CTNND2: variants seen among roughly 807,000 people sequenced by gnomAD.
CTNND2 encodes catenin delta-2.
CTNND2 carries 22 observed loss-of-function variants against 144.4 expected under a neutral mutation model. That is an observed-to-expected ratio of 0.15 (90% CI 0.11 to 0.22). The LOEUF is 0.22. Among genes scored for constraint, CTNND2 ranks in the 10% least tolerant of loss-of-function variants. CTNND2 has a pLI of 1.00. For missense variants in CTNND2, 1,353 were observed against 1,618.8 expected (o/e 0.84, Z 2.82); for synonymous variants, 751 against 695.6 (o/e 1.08, Z -1.25).
chr5:11,201,905 T>TATAG (rs1737481844), intron 10 of CTNND2, among the ~76,000 whole-genome samples: 1 of 152,238 alleles, frequency 6.6e-6, no homozygotes, highest in African/African-American at 2.4e-5. Context: ...ATAGGTGTCT[T>TATAG]GTTCATGTAC....
At chr5:11,091,906 G>T (rs1330654723) in intron 15 of CTNND2, among the ~76,000 whole-genome samples, 1 of 152,178 alleles carries the variant, frequency 6.6e-6, no homozygotes, top group African/African-American at 2.4e-5. Context: ...GAATATTTAA[G>T]GGGAGTCCTC....
chr5:11,520,395 G>A (rs1772617868), intron 3 of CTNND2, among the ~76,000 whole-genome samples: 1 of 152,170 alleles, frequency 6.6e-6, no homozygotes, highest in Non-Finnish European at 1.5e-5. Flanking sequence ...TGCTATGAGT[G>A]CAAATGTTCC....
intron 16 of CTNND2, among the ~76,000 whole-genome samples, chr5:11,026,360 T>C (rs1479201990): frequency 2.7e-5 from 4 of 146,908 alleles, no homozygotes; most frequent in South Asian, 2.2e-4. Context: ...CTTCTTCTTT[T>C]TTTTTTTTTT....
chr5:11,724,214 G>A (rs544418428), intron 2 of CTNND2, among the ~76,000 whole-genome samples: 1 of 152,164 alleles, frequency 6.6e-6, no homozygotes, highest in South Asian at 2.1e-4. Context: ...AAAGCTCCTA[G>A]TATGGTAATT....
intron 1 of CTNND2, among the ~76,000 whole-genome samples, chr5:11,734,060 C>T (rs1465351104): frequency 6.6e-6 from 1 of 152,112 alleles, no homozygotes; most frequent in African/African-American, 2.4e-5. Flanking sequence ...GATGTGAGGG[C>T]ACAGCAATAA....
chr5:11,190,625 G>C (rs542096950), intron 11 of CTNND2, among the ~76,000 whole-genome samples: 1 of 152,184 alleles, frequency 6.6e-6, no homozygotes, highest in Non-Finnish European at 1.5e-5. Context: ...TGAAATAGAA[G>C]GTTCTATAAA....
chr5:11,204,179 C>A (rs1056450707), intron 10 of CTNND2, among the ~76,000 whole-genome samples: 2 of 152,192 alleles, frequency 1.3e-5, no homozygotes, highest in African/African-American at 4.8e-5. Context: ...ATGAATTAAC[C>A]AATCAAATAA....
chr5:11,811,932 A>G (rs1168445582), intron 1 of CTNND2, among the ~76,000 whole-genome samples: 1 of 152,178 alleles, frequency 6.6e-6, no homozygotes, highest in Admixed American at 6.5e-5. Context: ...AAGATTTTTA[A>G]AAAATCATTA....
intron 3 of CTNND2, among the ~76,000 whole-genome samples, chr5:11,548,439 GCTA>G (rs1311224603): frequency 1.3e-5 from 2 of 152,168 alleles, no homozygotes; most frequent in Non-Finnish European, 2.9e-5. Flanking sequence ...TATTATGCAT[GCTA>G]CTATCTTAAA....
At chr5:11,341,216 G>C (rs1045738486) in intron 9 of CTNND2, among the ~76,000 whole-genome samples, 35 of 152,286 alleles carry the variant, frequency 2.3e-4, no homozygotes, top group African/African-American at 8.4e-4. Flanking sequence ...AAAGGGATAG[G>C]TGTATTCTCA....
chr5:11,048,234 A>C (rs1487515500), intron 16 of CTNND2, among the ~76,000 whole-genome samples: 5 of 152,156 alleles, frequency 3.3e-5, no homozygotes, highest in Non-Finnish European at 5.9e-5. Flanking sequence ...CTTAGCCATG[A>C]ACAAATAAAA....
intron 2 of CTNND2, among the ~76,000 whole-genome samples, chr5:11,687,759 A>T (rs966854383): frequency 6.6e-6 from 1 of 152,222 alleles, no homozygotes; most frequent in Non-Finnish European, 1.5e-5. Context: ...ACTGACAAGT[A>T]TAATACACAG....
chr5:11,572,461 G>C (rs531623630), intron 2 of CTNND2, among the ~76,000 whole-genome samples: 23 of 152,122 alleles, frequency 1.5e-4, no homozygotes, highest in African/African-American at 5.1e-4. Flanking sequence ...CTTTACAGAA[G>C]CATTTTGTTG....
chr5:11,892,420 T>C (rs755099730), intron 1 of CTNND2, among the ~76,000 whole-genome samples: 40 of 152,204 alleles, frequency 2.6e-4, no homozygotes, highest in Middle Eastern at 3.2e-3. Flanking sequence ...GCTCTACTAA[T>C]ATGAAAACCA....
chr5:11,293,574 A>G (rs2150019454), intron 9 of CTNND2, among the ~76,000 whole-genome samples: 1 of 152,072 alleles, frequency 6.6e-6, no homozygotes, highest in East Asian at 1.9e-4. Context: ...GTAGCATCAC[A>G]CAGTGCACAA....
intron 3 of CTNND2, among the ~76,000 whole-genome samples, chr5:11,455,748 T>C (rs1765679931): frequency 1.3e-5 from 2 of 152,206 alleles, no homozygotes; most frequent in African/African-American, 2.4e-5. Flanking sequence ...GATGACATTT[T>C]ACTTTAGATA....
chr5:11,889,856 GT>G (rs1294155989), intron 1 of CTNND2, among the ~76,000 whole-genome samples: 1 of 152,088 alleles, frequency 6.6e-6, no homozygotes, highest in African/African-American at 2.4e-5. Context: ...ACATCACAAT[GT>G]TTTCAACCTT....
At chr5:10,980,926 G>A (rs1226482825) in intron 21 of CTNND2, among the ~76,000 whole-genome samples, 3 of 152,108 alleles carry the variant, frequency 2.0e-5, no homozygotes, top group Admixed American at 6.6e-5. Context: ...ATAACATTAG[G>A]AGAAATACCT....
intron 1 of CTNND2, among the ~76,000 whole-genome samples, chr5:11,795,670 C>T (rs1024715485): frequency 2.0e-4 from 30 of 152,134 alleles, no homozygotes; most frequent in African/African-American, 7.2e-4. Context: ...CCCATGATAG[C>T]TGAGGAAGAA....
Sources: gnomAD v4.1 joint callset for allele counts (sites outside exome capture counted in the v4.1 genomes callset) on GRCh38, gnomAD v4.1.1 for gene constraint, MANE v1.5 for transcripts, NCBI Gene and HGNC (gene_info 2026-07-23, HGNC 2026-07-21) for gene names.